Variants in DDAH1 observed in about 807,000 individuals in gnomAD.
The protein encoded by DDAH1 is N(G),N(G)-dimethylarginine dimethylaminohydrolase 1.
A neutral mutation model predicts 28.8 loss-of-function variants in DDAH1; 19 were observed. The observed-to-expected ratio is 0.66, with a 90% confidence interval of 0.46 to 0.97. The LOEUF (loss-of-function observed/expected upper bound fraction) is 0.97. Among genes scored for constraint, DDAH1 ranks in the 50% least tolerant of loss-of-function variants. The probability of loss-of-function intolerance (pLI) is 0.00; values close to 1 mark genes in which losing one functional copy is unlikely to be tolerated. For missense variants in DDAH1, 326 were observed against 375.9 expected (o/e 0.87, Z 1.10); for synonymous variants, 153 against 154.4 (o/e 0.99, Z 0.07).
chr1:85,419,567 G>A (rs987926860), intron 1 of DDAH1, among the ~76,000 whole-genome samples: 2 of 118,954 alleles, frequency 1.7e-5, no homozygotes, highest in Non-Finnish European at 3.4e-5. Context: ...AAAAGTCTGG[G>A]TAACATATTT....
chr1:85,509,801 A>C (rs1474999136), intron 1 of DDAH1, among the ~76,000 whole-genome samples: 1 of 152,172 alleles, frequency 6.6e-6, no homozygotes, highest in Non-Finnish European at 1.5e-5. Context: ...AAAGAGTAAA[A>C]AGAAACAAAT....
At chr1:85,463,496 G>T (rs1655215132) in intron 1 of DDAH1, among the ~76,000 whole-genome samples, 1 of 152,224 alleles carries the variant, frequency 6.6e-6, no homozygotes, top group South Asian at 2.1e-4. Flanking sequence ...CAGACTCAAA[G>T]ATGGAGAGGT....
At chr1:85,346,595 T>C (rs947620266) in intron 4 of DDAH1, among the ~76,000 whole-genome samples, 2 of 152,188 alleles carry the variant, frequency 1.3e-5, no homozygotes, top group African/African-American at 4.8e-5. Context: ...AAAATGATTA[T>C]TTCATCAGGT....
intron 1 of DDAH1, among the ~76,000 whole-genome samples, chr1:85,444,172 A>G (rs1654330080): frequency 6.6e-6 from 1 of 152,120 alleles, no homozygotes; most frequent in Non-Finnish European, 1.5e-5. Flanking sequence ...ACCTCTTATT[A>G]TTTTGAAATA....
Position 85,406,563 on chromosome 1 carries a change from A to T in DDAH1, c.304-47716T>A, listed in dbSNP as rs914353654. ...GGATACATATAGAATATACATTTTT[A>T]AAAAATTAATTTTTTAATTAACAAA... On this transcript the variant is annotated intron_variant, in intron 1 of 5. Coordinates refer to ENST00000284031, the MANE Select transcript of DDAH1 (RefSeq NM_012137.4). Among the ~76,000 whole-genome samples the T allele has an allele frequency of 1.3e-4, 20 of 152,302 alleles. No individual in the cohort carries two copies. In the East Asian group the frequency reaches 1.3e-3, roughly 10 times the overall value.
At chr1:85,571,256 T>A (rs560008106) in intron 1 of DDAH1, among the ~76,000 whole-genome samples, 52 of 152,214 alleles carry the variant, frequency 3.4e-4, no homozygotes, top group Non-Finnish European at 6.5e-4. Context: ...CTGTAATCAA[T>A]GCATTTTAAG....
chr1:85,450,116 G>T (rs183112315), intron 1 of DDAH1, among the ~76,000 whole-genome samples: 1 of 152,066 alleles, frequency 6.6e-6, no homozygotes, highest in East Asian at 1.9e-4. Context: ...GACAAGTTGC[G>T]TTTTTTCTTT....
At chr1:85,371,096 C>G (rs1294492945) in intron 1 of DDAH1, among the ~76,000 whole-genome samples, 1 of 152,118 alleles carries the variant, frequency 6.6e-6, no homozygotes, top group Non-Finnish European at 1.5e-5. Context: ...ATTACTGTTG[C>G]GAAGTTTGGT....
At chr1:85,406,455 T>C (rs964880672) in intron 1 of DDAH1, among the ~76,000 whole-genome samples, 3 of 152,164 alleles carry the variant, frequency 2.0e-5, no homozygotes, top group Non-Finnish European at 4.4e-5. Flanking sequence ...TATGAGATTA[T>C]CTATAATGTG....
chr1:85,460,675 C>A (rs1655087345), intron 1 of DDAH1, among the ~76,000 whole-genome samples: 1 of 152,110 alleles, frequency 6.6e-6, no homozygotes, highest in Non-Finnish European at 1.5e-5. Context: ...TAAGTTTTGT[C>A]AGTTAATCAT....
rs2100661636 is a variant in DDAH1, at chr1:85,446,283, G to A, written c.303+18460C>T. On this transcript the variant is annotated intron_variant, in intron 1 of 5. Transcript: ENST00000284031. ...GGGAAGCCAGGCAACTTCTTCACAA[G>A]AAGGCAGGAAAAGTGCCGAGTAAAG... is the stretch of plus-strand genomic sequence containing the variant. Among the ~76,000 whole-genome samples, 2 of 152,276 alleles carry A rather than the reference G, an allele frequency of 1.3e-5. 1 individual carries two copies. Among genetic ancestry groups the A allele is most frequent in the East Asian group, 3.9e-4 (2 of 5,164 alleles).
intron 1 of DDAH1, among the ~76,000 whole-genome samples, chr1:85,373,170 A>T (rs951823159): frequency 5.9e-5 from 9 of 152,140 alleles, no homozygotes; most frequent in African/African-American, 1.9e-4. Flanking sequence ...TATTGACGTT[A>T]TATAGTTAGC....
intron 2 of DDAH1, among the ~76,000 whole-genome samples, chr1:85,473,371 A>T (rs894718396): frequency 5.3e-5 from 8 of 152,140 alleles, no homozygotes; most frequent in African/African-American, 1.9e-4. Flanking sequence ...ATATATATTT[A>T]TGGGGAAGAA....
chr1:85,541,826 G>A (rs892161770), intron 1 of DDAH1, among the ~76,000 whole-genome samples: 60 of 152,240 alleles, frequency 3.9e-4, no homozygotes, highest in African/African-American at 1.2e-3. Context: ...CTTCAGCCAC[G>A]CAAGGACAAA....
Position 85,464,589 on chromosome 1 carries a change from G to GAC in DDAH1, c.303+152_303+153dup, listed in dbSNP as rs4001153. 174,970 of 1,373,192 alleles carry GAC rather than the reference G, an allele frequency of 0.13. 2,320 individuals are homozygous for GAC. Among genetic ancestry groups the GAC allele is most frequent in the East Asian group, 0.23 (8,636 of 37,548 alleles). The allele number at this position is 1,373,192 out of a possible 1,614,324, so 85.1% of individuals were successfully genotyped here. A position where few individuals can be genotyped will look rare whatever the true frequency, so the allele number is the denominator to read the frequency against. The stretch of plus-strand genomic sequence containing the variant: ...ACAATGAACTTCTCTCTGACTCTCT[G>GAC]ACACACACACACACACACACACTCG... On this transcript the variant is annotated intron_variant, in intron 1 of 5. Coordinates refer to ENST00000284031, the MANE Select transcript of DDAH1 (RefSeq NM_012137.4). The surrounding 1 kb of genome is among the most constrained non-coding windows in gnomAD (Gnocchi z 4.4).
At chr1:85,378,057 T>C (rs955634494) in intron 1 of DDAH1, among the ~76,000 whole-genome samples, 2 of 152,184 alleles carry the variant, frequency 1.3e-5, no homozygotes, top group African/African-American at 4.8e-5. Context: ...TGCCATTTTA[T>C]GAAGGACATA....
intron 1 of DDAH1, chr1:85,575,944 G>A (rs1659589276): frequency 6.6e-6 from 1 of 152,096 alleles, no homozygotes; most frequent in South Asian, 2.1e-4. Flanking sequence ...ATAGCATTAG[G>A]AGATATACCT....
intron 1 of DDAH1, among the ~76,000 whole-genome samples, chr1:85,388,149 C>A (rs1651371255): frequency 6.6e-6 from 1 of 152,180 alleles, no homozygotes; most frequent in East Asian, 1.9e-4. Flanking sequence ...TCTGGAGAGA[C>A]AAACATCCAA....
chr1:85,368,146 T>C (rs555027206), intron 1 of DDAH1, among the ~76,000 whole-genome samples: 31 of 152,284 alleles, frequency 2.0e-4, no homozygotes, highest in South Asian at 1.5e-3. Context: ...TAGAAGACAG[T>C]AGATTGTCAA....
Sources: allele counts gnomAD v4.1 joint callset (sites outside exome capture counted in the v4.1 genomes callset), GRCh38; gene constraint gnomAD v4.1.1; non-coding constraint Gnocchi (gnomAD v3.1); transcripts MANE v1.5; gene names NCBI Gene and HGNC (gene_info 2026-07-23, HGNC 2026-07-21).